Variants in FRMD4B observed in about 807,000 individuals in gnomAD.
FRMD4B encodes the protein FERM domain-containing protein 4B.
A neutral mutation model predicts 141.5 loss-of-function variants in FRMD4B; 74 were observed. The ratio of observed to expected loss-of-function variants is 0.52; its 90% confidence interval spans 0.43 to 0.63. The LOEUF (loss-of-function observed/expected upper bound fraction) is 0.63, where lower values mean the gene tolerates loss of function less well. FRMD4B is among the 30% of genes least tolerant of loss of function. FRMD4B has a pLI of 0.00. For missense variants in FRMD4B, 1,366 were observed against 1,253.4 expected (o/e 1.09, Z -1.36); for synonymous variants, 506 against 467.9 (o/e 1.08, Z -1.05).
At chr3:69,324,739 G>C (rs1468989967) in intron 1 of FRMD4B, among the ~76,000 whole-genome samples, 1 of 152,208 alleles carries the variant, frequency 6.6e-6, no homozygotes, top group East Asian at 1.9e-4. Context: ...CAATGGAATT[G>C]AGTTCTAAGC....
rs757426956 is a variant in FRMD4B at position 69,187,479 on chromosome 3, C to T, written c.1919+291G>A. Among the ~76,000 whole-genome samples the T allele has an allele frequency of 1.1e-3, 165 of 149,598 alleles. 1 individual carries two copies. The highest frequency in any genetic ancestry group is 3.8e-3 in the African/African-American group (156 of 40,698). On this transcript the variant is annotated intron_variant, in intron 19 of 22. Transcript: ENST00000398540. The stretch of plus-strand genomic sequence containing the variant: ...GCTTGAACCCAGGAGGCGGACGTTG[C>T]GGTGAGCTGGAGTTCACGCCGTTGC...
chr3:69,348,400 G>C (rs1447409144), intron 1 of FRMD4B, among the ~76,000 whole-genome samples: 6 of 152,164 alleles, frequency 3.9e-5, no homozygotes, highest in Non-Finnish European at 7.3e-5. Context: ...AATTCTACCA[G>C]AGGTACAAGG....
intron 22 of FRMD4B, among the ~76,000 whole-genome samples, chr3:69,175,316 A>T (rs1228003873): frequency 2.0e-5 from 3 of 152,238 alleles, no homozygotes; most frequent in Non-Finnish European, 4.4e-5. Context: ...GTGGGAAAGT[A>T]AAAGGGAGAC....
rs1471335507 is a variant in FRMD4B, at chr3:69,181,497, G to A, written c.2253C>T (p.Tyr751=). ...TGCGAGTGTCCAGGGTCTGGGTGGT[G>A]TAATAGGGGCCGGTAACTGGTGTCA... The part of the protein sequence containing the change: ...YCVTPVTGPY[Y]TTQTLDTRTR... Residue 751 remains tyrosine (Y), a synonymous_variant, in exon 21 of 23, where the codon TAC becomes TAT. Transcript: ENST00000398540. 6.2e-7 allele frequency: 1 copy of A among 1,613,866 alleles called. No homozygotes were observed. The highest frequency in any genetic ancestry group is 2.2e-5 in the East Asian group (1 of 44,864).
At chr3:69,491,704 T>A (rs193029985) in intron 1 of FRMD4B, among the ~76,000 whole-genome samples, 13 of 152,332 alleles carry the variant, frequency 8.5e-5, no homozygotes, top group Non-Finnish European at 1.9e-4. Context: ...CAAAAGGCTT[T>A]CACAATTTAC....
At chr3:69,444,110 T>C (rs1332254993) in intron 1 of FRMD4B, among the ~76,000 whole-genome samples, 1 of 152,078 alleles carries the variant, frequency 6.6e-6, no homozygotes, top group Non-Finnish European at 1.5e-5. Flanking sequence ...TCATCTCCCA[T>C]CCAATCAGCA....
intron 1 of FRMD4B, among the ~76,000 whole-genome samples, chr3:69,472,689 G>C (rs964978460): frequency 5.3e-5 from 8 of 152,124 alleles, no homozygotes; most frequent in African/African-American, 1.7e-4. Flanking sequence ...CAAGGGTGAG[G>C]TTGGAGCGAA....
At chr3:69,220,724 C>T (rs946468012) in intron 9 of FRMD4B, among the ~76,000 whole-genome samples, 1 of 152,074 alleles carries the variant, frequency 6.6e-6, no homozygotes, top group Non-Finnish European at 1.5e-5. Flanking sequence ...TGGTGGCATG[C>T]GCCTGTATCA....
intron 1 of FRMD4B, among the ~76,000 whole-genome samples, chr3:69,529,806 C>G (rs1220711119): frequency 6.6e-6 from 1 of 152,090 alleles, no homozygotes; most frequent in Non-Finnish European, 1.5e-5. Flanking sequence ...TATTATTTTC[C>G]CAGTCTTAAA....
chr3:69,307,677 C>A (rs1231109503), intron 3 of FRMD4B, among the ~76,000 whole-genome samples: 2 of 152,150 alleles, frequency 1.3e-5, no homozygotes, highest in African/African-American at 4.8e-5. Context: ...GTCTTACAGT[C>A]TGAACCCCTT....
At chr3:69,294,072 G>A (rs1192368588) in intron 4 of FRMD4B, among the ~76,000 whole-genome samples, 2 of 151,990 alleles carry the variant, frequency 1.3e-5, no homozygotes, top group Non-Finnish European at 2.9e-5. Flanking sequence ...GGGCCTTTGC[G>A]AGGTCCCAGT....
chr3:69,352,311 C>G (rs891596856), intron 1 of FRMD4B, among the ~76,000 whole-genome samples: 1 of 152,138 alleles, frequency 6.6e-6, no homozygotes, highest in African/African-American at 2.4e-5. Context: ...TTCACTCCTT[C>G]GGACATTAGA....
intron 1 of FRMD4B, among the ~76,000 whole-genome samples, chr3:69,437,958 A>C (rs1023790947): frequency 2.3e-5 from 3 of 127,830 alleles, no homozygotes; most frequent in African/African-American, 9.2e-5. Context: ...TACTAATATA[A>C]TACTACATAA....
At chr3:69,380,150 C>T (rs1369289437) in intron 1 of FRMD4B, among the ~76,000 whole-genome samples, 1 of 152,070 alleles carries the variant, frequency 6.6e-6, no homozygotes, top group African/African-American at 2.4e-5. Flanking sequence ...CTTCAGAGAC[C>T]CTAGTGGGAG....
intron 1 of FRMD4B, among the ~76,000 whole-genome samples, chr3:69,362,510 T>G (rs1224446821): frequency 6.6e-6 from 1 of 152,162 alleles, no homozygotes; most frequent in Non-Finnish European, 1.5e-5. Context: ...ACACCCCATC[T>G]CTACTAAAAG....
chr3:69,181,074 C>G lies in FRMD4B; in HGVS notation c.2676G>C (p.Lys892Asn). The G allele has an allele frequency of 6.2e-7, 1 of 1,613,996 alleles. No homozygotes were observed. Among genetic ancestry groups the G allele is most frequent in the Non-Finnish European group, 8.5e-7 (1 of 1,179,896 alleles). ...KSEHITKNIH[K>N]ALVAEHLRGW... ...CACGCAAGTGCTCGGCAACTAAGGC[C>G]TTGTGGATGTTTTTGGTGATGTGCT... is the stretch of plus-strand genomic sequence containing the variant. The change falls in exon 21 of 23, where the codon AAG becomes AAC. Residue 892 changes from lysine (K) to asparagine (N), a missense_variant. By Grantham distance (94) the Lys-to-Asn change is moderately conservative. Transcript: ENST00000398540.
At chr3:69,333,303 C>T (rs950520448) in intron 1 of FRMD4B, among the ~76,000 whole-genome samples, 1 of 152,164 alleles carries the variant, frequency 6.6e-6, no homozygotes, top group African/African-American at 2.4e-5. Context: ...GGCTTTAGTG[C>T]ACTGGAGCAA....
At chr3:69,474,932 T>A (rs1365925570) in intron 1 of FRMD4B, among the ~76,000 whole-genome samples, 1 of 152,182 alleles carries the variant, frequency 6.6e-6, no homozygotes, top group Non-Finnish European at 1.5e-5. Context: ...GGTCCAGGAA[T>A]TCTAAAGGCT....
At chr3:69,279,278 A>G (rs1184878751) in intron 5 of FRMD4B, among the ~76,000 whole-genome samples, 5 of 152,228 alleles carry the variant, frequency 3.3e-5, no homozygotes, top group Non-Finnish European at 1.5e-5. Context: ...TTCTGGGGCC[A>G]GACTACATAG....
Sources: gnomAD v4.1 joint callset for allele counts (sites outside exome capture counted in the v4.1 genomes callset) on GRCh38, gnomAD v4.1.1 for gene constraint, MANE v1.5 for transcripts, NCBI Gene and HGNC (gene_info 2026-07-23, HGNC 2026-07-21) for gene names.